The following CARMIL1 variants were observed in gnomAD, a reference collection of about 807,000 sequenced individuals.
CARMIL1 encodes the protein capping protein regulator and myosin 1 linker 1, also known as F-actin-uncapping protein LRRC16A.
A neutral mutation model predicts 177.1 loss-of-function variants in CARMIL1; 90 were observed. The observed-to-expected ratio is 0.51, with a 90% confidence interval of 0.43 to 0.61. CARMIL1 has a LOEUF of 0.61. Among genes scored for constraint, CARMIL1 ranks in the 20% least tolerant of loss-of-function variants. The pLI, the probability that CARMIL1 is intolerant of heterozygous loss-of-function variation, is 0.00. For synonymous variants in CARMIL1, 577 were observed against 606.2 expected (o/e 0.95, Z 0.71); for missense variants, 1,380 against 1,667.0 (o/e 0.83, Z 3.00).
intron 24 of CARMIL1, among the ~76,000 whole-genome samples, chr6:25,529,094 A>C (rs965799044): frequency 6.6e-6 from 1 of 152,258 alleles, no homozygotes; most frequent in Non-Finnish European, 1.5e-5. Flanking sequence ...TGCACTTTTA[A>C]TTATCAATCA....
chr6:25,614,153 C>T (rs1816712003), intron 36 of CARMIL1, among the ~76,000 whole-genome samples: 1 of 152,156 alleles, frequency 6.6e-6, no homozygotes, highest in Non-Finnish European at 1.5e-5. Flanking sequence ...CAACTGCCTG[C>T]CAGGGACAAC....
intron 2 of CARMIL1, among the ~76,000 whole-genome samples, chr6:25,348,249 C>A (rs1290165994): frequency 6.6e-6 from 1 of 152,064 alleles, no homozygotes; most frequent in Non-Finnish European, 1.5e-5. Context: ...TCTCCTGCCT[C>A]AGTCTCCCGA....
At chr6:25,596,084 A>G (rs1360463090) in intron 32 of CARMIL1, among the ~76,000 whole-genome samples, 1 of 152,174 alleles carries the variant, frequency 6.6e-6, no homozygotes, top group Non-Finnish European at 1.5e-5. Flanking sequence ...ACATATTGTT[A>G]TACCCGTCCC....
intron 16 of CARMIL1, among the ~76,000 whole-genome samples, chr6:25,495,538 C>CGTGTGTGTGTGTGT (rs144132253): frequency 8.3e-5 from 12 of 144,872 alleles, no homozygotes; most frequent in Non-Finnish European, 1.4e-4. Context: ...TTCGTTTGTT[C>CGTGTGTGTGTGTGT]GTGTGTGTGT....
At chr6:25,578,413 A>G (rs941154895) in intron 29 of CARMIL1, among the ~76,000 whole-genome samples, 1 of 152,164 alleles carries the variant, frequency 6.6e-6, no homozygotes, top group Non-Finnish European at 1.5e-5. Context: ...CAAACATTAA[A>G]TATTTGCTCC....
intron 2 of CARMIL1, among the ~76,000 whole-genome samples, chr6:25,398,224 C>T (rs1459799861): frequency 6.6e-6 from 1 of 152,068 alleles, no homozygotes; most frequent in Admixed American, 6.6e-5. Context: ...GATGTCATGA[C>T]TAGGACCTCT....
intron 15 of CARMIL1, among the ~76,000 whole-genome samples, chr6:25,493,223 G>C (rs1051830304): frequency 1.3e-5 from 2 of 152,192 alleles, no homozygotes; most frequent in Non-Finnish European, 2.9e-5. Context: ...TAAGCTTATA[G>C]AACAGAATTG....
chr6:25,386,275 CGGA>C (rs1792148928), intron 2 of CARMIL1, among the ~76,000 whole-genome samples: 1 of 151,940 alleles, frequency 6.6e-6, no homozygotes, highest in African/African-American at 2.4e-5. Flanking sequence ...GTGGTGAGGA[CGGA>C]ATCTTGCTCT....
intron 2 of CARMIL1, among the ~76,000 whole-genome samples, chr6:25,336,170 T>C (rs1786207222): frequency 6.6e-6 from 1 of 152,012 alleles, no homozygotes; most frequent in African/African-American, 2.4e-5. Flanking sequence ...TTCTGCCCCC[T>C]GTCTCGCTTT....
intron 2 of CARMIL1, among the ~76,000 whole-genome samples, chr6:25,300,013 A>C (rs555414769): frequency 6.6e-6 from 1 of 150,934 alleles, no homozygotes; most frequent in East Asian, 2.0e-4. Flanking sequence ...AAACATTGTC[A>C]CATGTCCTTT....
intron 29 of CARMIL1, chr6:25,563,245 C>A: frequency 2.0e-6 from 2 of 985,400 alleles, no homozygotes; most frequent in Non-Finnish European, 2.4e-6. Context: ...TTTGCATCAA[C>A]GACGTTTCGT....
rs761706675 is a variant in CARMIL1 at position 25,509,615 on chromosome 6, G to A, written c.1396-41G>A. 38 of 1,290,450 alleles carry A rather than the reference G, an allele frequency of 2.9e-5. No individual in the cohort carries two copies. The South Asian group carries it at 4.8e-4, about 16-fold the overall frequency. 79.9% of individuals were successfully genotyped at this position (1,290,450 alleles called of 1,614,324 possible). A position where few individuals can be genotyped will look rare whatever the true frequency, so the allele number is the denominator to read the frequency against. On this transcript the variant is annotated intron_variant, in intron 17 of 36. Coordinates refer to ENST00000329474, the MANE Select transcript of CARMIL1 (RefSeq NM_017640.6). This position sits in a 1 kb window ranked among gnomAD's most constrained non-coding sequence, Gnocchi z 4.1. The stretch of plus-strand genomic sequence containing the variant: ...TAATTTTTTGATTACATCTCCAGTA[G>A]AGTGAAGACTTTACTTTGTGTTTGG...
Position 25,517,349 on chromosome 6 carries a change from CTG to C in CARMIL1, c.1810_1811del (p.Val604AsnfsTer34), listed in dbSNP as rs1454881667. On this transcript the variant is annotated frameshift_variant, in exon 22 of 37. Coordinates refer to ENST00000329474, the MANE Select transcript of CARMIL1 (RefSeq NM_017640.6). LOFTEE classifies it high-confidence loss of function. Reference sequence around the variant, plus strand: ...TATGTGATTTGATTTTCAAACAGGACTGTAATATGGGACAAGAACAACATCAC... The same window carrying C: ...TATGTGATTTGATTTTCAAACAGGACTAATATGGGACAAGAACAACATCAC... 1.2e-6 allele frequency: 2 copies of C among 1,611,746 alleles called. No homozygotes were observed. The highest frequency in any genetic ancestry group is 2.2e-5 in the South Asian group (2 of 90,990).
rs969874479 is a variant in CARMIL1, at chr6:25,279,533, C to T, written c.-263C>T. On this transcript the variant is annotated 5_prime_UTR_variant, in exon 1 of 37. Coordinates refer to ENST00000329474, the MANE Select transcript of CARMIL1 (RefSeq NM_017640.6). ...CCCCGCGCCCGCTTGTAATCCGGTCCGCTCCTTATTCAGCCGCCGGGAACT... is the reference window on the plus strand; with the variant it reads ...CCCCGCGCCCGCTTGTAATCCGGTCTGCTCCTTATTCAGCCGCCGGGAACT... 3.1e-5 allele frequency: 17 copies of T among 557,048 alleles called. No homozygotes were observed. The highest frequency in any genetic ancestry group is 9.2e-5 in the Admixed American group (3 of 32,700). 34.5% of individuals were successfully genotyped at this position (557,048 alleles called of 1,614,324 possible).
intron 8 of CARMIL1, among the ~76,000 whole-genome samples, chr6:25,458,217 A>G (rs1799707815): frequency 6.6e-6 from 1 of 152,148 alleles, no homozygotes; most frequent in African/African-American, 2.4e-5. Flanking sequence ...TTTGCATTTT[A>G]ACTTTGTATT....
chr6:25,581,074 T>TTA, intron 30 of CARMIL1, 84 bp downstream of exon 30: 1 of 1,380,442 alleles, frequency 7.2e-7, no homozygotes, highest in Non-Finnish European at 1.0e-6. Context: ...GGGATGTTCC[T>TTA]TATGGATGCA....
At chr6:25,390,103 C>CT (rs1468433935) in intron 2 of CARMIL1, among the ~76,000 whole-genome samples, 1 of 152,006 alleles carries the variant, frequency 6.6e-6, no homozygotes, top group Non-Finnish European at 1.5e-5. Flanking sequence ...AGGCAGCTCA[C>CT]TGCCCTTTCA....
chr6:25,281,356 G>A (rs1781106160), intron 1 of CARMIL1, among the ~76,000 whole-genome samples: 1 of 152,008 alleles, frequency 6.6e-6, no homozygotes, highest in Non-Finnish European at 1.5e-5. Context: ...GGCAGGGCTT[G>A]CCTGGCTGGT....
At chr6:25,578,117 A>G (rs1254596808) in intron 29 of CARMIL1, among the ~76,000 whole-genome samples, 1 of 152,086 alleles carries the variant, frequency 6.6e-6, no homozygotes, top group African/African-American at 2.4e-5. Flanking sequence ...TGCAGTATGT[A>G]CCTCTTCTTT....
Sources: allele counts gnomAD v4.1 joint callset (sites outside exome capture counted in the v4.1 genomes callset), GRCh38; gene constraint gnomAD v4.1.1; non-coding constraint Gnocchi (gnomAD v3.1); transcripts MANE v1.5; gene names NCBI Gene and HGNC (gene_info 2026-07-23, HGNC 2026-07-21).